NPAS3: variants seen among roughly 807,000 people sequenced by gnomAD.
The protein encoded by NPAS3 is neuronal PAS domain protein 3.
A neutral mutation model predicts 73.1 loss-of-function variants in NPAS3; 14 were observed. The observed-to-expected ratio is 0.19, with a 90% CI of 0.13 to 0.30. The LOEUF (loss-of-function observed/expected upper bound fraction) is 0.30, where lower values mean the gene tolerates loss of function less well. Ranked by LOEUF, NPAS3 falls within the 10% of genes least tolerant of loss-of-function variation. The pLI is 1.00. For missense variants in NPAS3, 1,096 were observed against 1,250.0 expected (o/e 0.88, Z 1.86); for synonymous variants, 620 against 541.5 (o/e 1.14, Z -2.01).
At chr14:33,272,857 C>G (rs529380735) in intron 3 of NPAS3, among the ~76,000 whole-genome samples, 1 of 152,316 alleles carries the variant, frequency 6.6e-6, no homozygotes, top group South Asian at 2.1e-4. Flanking sequence ...GTGATACTGA[C>G]AGTTTTGCTT....
intron 2 of NPAS3, among the ~76,000 whole-genome samples, chr14:33,147,059 T>C (rs2044261327): frequency 6.6e-6 from 1 of 152,208 alleles, no homozygotes; most frequent in Admixed American, 6.5e-5. Flanking sequence ...CAGGTTTTTT[T>C]TTTCTTTTCA....
At chr14:33,104,309 C>G (rs2042659879) in intron 2 of NPAS3, among the ~76,000 whole-genome samples, 1 of 152,050 alleles carries the variant, frequency 6.6e-6, no homozygotes, top group African/African-American at 2.4e-5. Flanking sequence ...AAGTCTTGTT[C>G]TTATTTTCTT....
intron 4 of NPAS3, among the ~76,000 whole-genome samples, chr14:33,461,005 C>T (rs933230723): frequency 6.6e-6 from 1 of 152,210 alleles, no homozygotes; most frequent in Non-Finnish European, 1.5e-5. Context: ...TTTTGAACTG[C>T]TCACCATATC....
At chr14:33,655,735 G>A (rs776030654) in intron 5 of NPAS3, among the ~76,000 whole-genome samples, 5 of 151,802 alleles carry the variant, frequency 3.3e-5, no homozygotes, top group South Asian at 4.2e-4. Context: ...GTTTTGTTTC[G>A]TTTCTCCTGT....
intron 4 of NPAS3, among the ~76,000 whole-genome samples, chr14:33,390,406 A>G (rs1887496): frequency 0.45 from 68,270 of 151,998 alleles, 15,459 homozygotes; most frequent in East Asian, 0.6. Flanking sequence ...CAGGGCCTAC[A>G]GTGATAGAGA....
At chr14:33,784,659 A>G (rs2063085836) in intron 9 of NPAS3, among the ~76,000 whole-genome samples, 1 of 151,676 alleles carries the variant, frequency 6.6e-6, no homozygotes, top group Admixed American at 6.6e-5. Flanking sequence ...AAATTCTCAC[A>G]TGGATTCGCA....
At chr14:33,082,648 T>G (rs1026899755) in intron 2 of NPAS3, among the ~76,000 whole-genome samples, 1 of 152,144 alleles carries the variant, frequency 6.6e-6, no homozygotes, top group African/African-American at 2.4e-5. Context: ...AATGAATTCT[T>G]AGGATAGGAA....
rs117666948 is a variant in NPAS3 at position 33,309,685 on chromosome 14, T to A, written c.386-57501T>A. 7.7e-3 allele frequency among the ~76,000 whole-genome samples: 1,178 copies of A among 152,324 alleles called. 11 individuals are homozygous for A. Among genetic ancestry groups the A allele is most frequent in the Non-Finnish European group, 0.011 (749 of 68,030 alleles). On this transcript the variant is annotated intron_variant, in intron 3 of 11. Transcript: ENST00000356141. The stretch of plus-strand genomic sequence containing the variant: ...TTAAAGGAATGACTCTTCTGGCAGG[T>A]GTAACCACTGATTTCCTTTAGAAGA...
intron 2 of NPAS3, among the ~76,000 whole-genome samples, chr14:33,115,784 T>C (rs529232258): frequency 6.6e-6 from 1 of 152,268 alleles, no homozygotes; most frequent in South Asian, 2.1e-4. Context: ...CAGTGGTTTA[T>C]AAGAAAAACA....
intron 1 of NPAS3, among the ~76,000 whole-genome samples, chr14:33,053,285 C>T (rs2040774550): frequency 6.6e-6 from 1 of 152,174 alleles, no homozygotes; most frequent in East Asian, 1.9e-4. Flanking sequence ...ACTACTCTGC[C>T]TCTAACCATC....
chr14:33,284,082 C>T (rs2041754534), intron 3 of NPAS3, among the ~76,000 whole-genome samples: 2 of 152,052 alleles, frequency 1.3e-5, no homozygotes, highest in African/African-American at 4.8e-5. Context: ...ATATTGTTTG[C>T]ATCTTTGTAA....
At chr14:33,412,850 A>G (rs930072581) in intron 4 of NPAS3, among the ~76,000 whole-genome samples, 4 of 152,212 alleles carry the variant, frequency 2.6e-5, no homozygotes, top group African/African-American at 9.6e-5. Context: ...TCATTCAATA[A>G]ATGTTTATTT....
intron 5 of NPAS3, among the ~76,000 whole-genome samples, chr14:33,560,972 C>T (rs2055618506): frequency 6.6e-6 from 1 of 152,152 alleles, no homozygotes; most frequent in Non-Finnish European, 1.5e-5. Flanking sequence ...ATGTTTTCTC[C>T]ATAAAAATGC....
intron 2 of NPAS3, among the ~76,000 whole-genome samples, chr14:33,104,771 A>G (rs1419090575): frequency 6.6e-6 from 1 of 152,280 alleles, no homozygotes; most frequent in East Asian, 1.9e-4. Context: ...CTCTTCAGTG[A>G]CTCAATTCTA....
At chr14:33,376,565 T>C (rs1041494690) in intron 4 of NPAS3, among the ~76,000 whole-genome samples, 2 of 152,174 alleles carry the variant, frequency 1.3e-5, no homozygotes, top group African/African-American at 4.8e-5. Context: ...CAAAGAAATC[T>C]TACCTGGCAA....
intron 4 of NPAS3, among the ~76,000 whole-genome samples, chr14:33,380,038 G>A (rs966437412): frequency 7.6e-6 from 1 of 132,434 alleles, no homozygotes; most frequent in African/African-American, 2.8e-5. Flanking sequence ...TGCACAAAGT[G>A]GGGGGGAAAA....
intron 4 of NPAS3, among the ~76,000 whole-genome samples, chr14:33,429,553 C>T (rs1289990681): frequency 1.3e-5 from 2 of 152,106 alleles, no homozygotes; most frequent in African/African-American, 2.4e-5. Context: ...TGAGGTGTCA[C>T]CATTAATGAA....
intron 4 of NPAS3, among the ~76,000 whole-genome samples, chr14:33,403,738 TA>T (rs2047543635): frequency 6.6e-6 from 1 of 152,138 alleles, no homozygotes; most frequent in Admixed American, 6.6e-5. Context: ...CTGCAGGACA[TA>T]CCTTCATGAA....
chr14:32,968,341 T>C (rs1049160457), intron 1 of NPAS3, among the ~76,000 whole-genome samples: 2 of 152,186 alleles, frequency 1.3e-5, no homozygotes, highest in African/African-American at 4.8e-5. Flanking sequence ...ACACTATACC[T>C]TATAAATATC....
Sources: allele counts gnomAD v4.1 joint callset (sites outside exome capture counted in the v4.1 genomes callset), GRCh38; gene constraint gnomAD v4.1.1; transcripts MANE v1.5; gene names NCBI Gene and HGNC (gene_info 2026-07-23, HGNC 2026-07-21).